The following SCHIP1 variants were observed in gnomAD, a reference collection of about 807,000 sequenced individuals.
SCHIP1 encodes the protein schwannomin interacting protein 1.
Under a neutral mutation model 29.7 loss-of-function variants are expected in SCHIP1, and 8 were observed. The observed-to-expected ratio is 0.27, with a 90% CI of 0.16 to 0.49. The LOEUF (loss-of-function observed/expected upper bound fraction) is 0.49. Among genes scored for constraint, SCHIP1 ranks in the 20% least tolerant of loss-of-function variants. The pLI, the probability that SCHIP1 is intolerant of heterozygous loss-of-function variation, is 0.99. For missense variants in SCHIP1, 193 were observed against 294.6 expected (o/e 0.66, Z 2.52); for synonymous variants, 76 against 94.9 (o/e 0.80, Z 1.16).
intron 6 of SCHIP1, chr3:159,892,394 C>T (rs1277056094): frequency 3.2e-6 from 2 of 622,830 alleles, no homozygotes; most frequent in East Asian, 2.7e-5. Context: ...CAACCATCCC[C>T]CCCTTGTGAT....
At chr3:159,439,409 G>A in the SCHIP1 span, among the ~76,000 whole-genome samples, 24 of 152,124 alleles carry the variant, frequency 1.6e-4, no homozygotes, top group Admixed American at 5.9e-4. Flanking sequence ...GTGGAAGACC[G>A]CCTTATAAAA....
chr3:159,694,572 GAAAGAAAGAAAGAAAGAA>G, the SCHIP1 span, among the ~76,000 whole-genome samples: 1 of 148,804 alleles, frequency 6.7e-6, no homozygotes, highest in Non-Finnish European at 1.5e-5. Context: ...AAGAAAGAAA[GAAAGAAAGAAAGAAAGAA>G]AGAAAGAAAG....
At chr3:159,841,408 A>G (rs572078012) in intron 1 of SCHIP1, among the ~76,000 whole-genome samples, 1 of 152,328 alleles carries the variant, frequency 6.6e-6, no homozygotes, top group Admixed American at 6.5e-5. Flanking sequence ...TCCACGAGAA[A>G]GGGGTCAGAG....
the SCHIP1 span, among the ~76,000 whole-genome samples, chr3:159,445,122 A>T: frequency 6.6e-6 from 1 of 152,118 alleles, no homozygotes; most frequent in East Asian, 1.9e-4. Context: ...TTCGCAACCT[A>T]CTCATCTGAC....
chr3:159,870,688 C>A (rs1376719685), intron 2 of SCHIP1, among the ~76,000 whole-genome samples: 1 of 151,452 alleles, frequency 6.6e-6, no homozygotes, highest in East Asian at 1.9e-4. Flanking sequence ...AAATAAAATT[C>A]ATATTTTATT....
At chr3:159,637,232 T>TATCA in the SCHIP1 span, among the ~76,000 whole-genome samples, 3 of 152,174 alleles carry the variant, frequency 2.0e-5, no homozygotes, top group African/African-American at 7.2e-5. Context: ...TGTGCTAGAC[T>TATCA]ATCACCACAC....
chr3:159,816,092 G>A, the SCHIP1 span, among the ~76,000 whole-genome samples: 1 of 151,868 alleles, frequency 6.6e-6, no homozygotes, highest in African/African-American at 2.4e-5. Flanking sequence ...GAGATTACAG[G>A]TGCATGCCAC....
the SCHIP1 span, among the ~76,000 whole-genome samples, chr3:159,382,262 C>T: frequency 2.0e-5 from 3 of 150,168 alleles, no homozygotes; most frequent in South Asian, 6.5e-4. Flanking sequence ...CCCCCCTCAC[C>T]CCACCCCACA....
the SCHIP1 span, among the ~76,000 whole-genome samples, chr3:159,710,770 T>C: frequency 2.0e-5 from 3 of 151,930 alleles, no homozygotes; most frequent in African/African-American, 7.3e-5. Flanking sequence ...AAAAGCACAA[T>C]GGAATTTTTT....
At chr3:159,448,269 G>A in the SCHIP1 span, among the ~76,000 whole-genome samples, 2,952 of 152,168 alleles carry the variant, frequency 0.019, 93 homozygotes, top group African/African-American at 0.068. Flanking sequence ...GTCAAAAATC[G>A]AGACCATCCT....
the SCHIP1 span, among the ~76,000 whole-genome samples, chr3:159,622,528 TG>T: frequency 6.6e-6 from 1 of 152,214 alleles, no homozygotes; most frequent in African/African-American, 2.4e-5. Context: ...TAAGGACCTT[TG>T]CAATTTCATT....
the SCHIP1 span, among the ~76,000 whole-genome samples, chr3:159,773,886 C>A: frequency 3.0e-4 from 45 of 152,252 alleles, no homozygotes; most frequent in South Asian, 5.2e-3. Context: ...AATAACAAAA[C>A]CAAGAAAAGG....
chr3:159,570,908 T>A, the SCHIP1 span, among the ~76,000 whole-genome samples: 2 of 152,324 alleles, frequency 1.3e-5, no homozygotes, highest in East Asian at 3.9e-4. Context: ...TTTGAAGCAA[T>A]TGTGAATGGG....
At chr3:159,354,659 TG>T in the SCHIP1 span, among the ~76,000 whole-genome samples, 3 of 152,170 alleles carry the variant, frequency 2.0e-5, no homozygotes, top group Non-Finnish European at 4.4e-5. Flanking sequence ...GGACTGATGA[TG>T]CCTGAGTAAC....
the SCHIP1 span, among the ~76,000 whole-genome samples, chr3:159,738,689 A>T: frequency 6.6e-6 from 1 of 152,236 alleles, no homozygotes; most frequent in Non-Finnish European, 1.5e-5. Flanking sequence ...TATTGTTCTC[A>T]TGGAACTTAC....
chr3:159,473,692 AAAG>A, the SCHIP1 span, among the ~76,000 whole-genome samples: 1 of 149,980 alleles, frequency 6.7e-6, no homozygotes, highest in Non-Finnish European at 1.5e-5. Context: ...AAAAAAAAAA[AAAG>A]AAAAGAAAAG....
chr3:159,852,932 CT>C (rs1447438033), intron 1 of SCHIP1: 3 of 154,726 alleles, frequency 1.9e-5, no homozygotes, highest in Non-Finnish European at 2.9e-5. Flanking sequence ...CAATCTACCC[CT>C]GGTTCAGATT....
the SCHIP1 span, among the ~76,000 whole-genome samples, chr3:159,670,750 T>G: frequency 4.6e-5 from 7 of 152,114 alleles, no homozygotes; most frequent in Non-Finnish European, 8.8e-5. Context: ...TGTGCATTAC[T>G]ACTGAGCTTC....
chr3:159,764,856 C>T, the SCHIP1 span: 1 of 1,591,642 alleles, frequency 6.3e-7, no homozygotes, highest in East Asian at 2.3e-5. The surrounding 1 kb of genome is among the most constrained non-coding windows in gnomAD (Gnocchi z 6.1). Context: ...ACCCCCAGGA[C>T]CTCAGGCACA....
Sources: allele counts gnomAD v4.1 joint callset (sites outside exome capture counted in the v4.1 genomes callset), GRCh38; gene constraint gnomAD v4.1.1; non-coding constraint Gnocchi (gnomAD v3.1); transcripts MANE v1.5; gene names NCBI Gene and HGNC (gene_info 2026-07-23, HGNC 2026-07-21).